Variants in OVCH1 observed in about 807,000 individuals in gnomAD.
OVCH1 encodes ovochymase 1, also known as ovochymase-1.
A neutral mutation model predicts 138.4 loss-of-function variants in OVCH1; 139 were observed. The ratio of observed to expected loss-of-function variants is 1.00; its 90% CI spans 0.87 to 1.16. The LOEUF (loss-of-function observed/expected upper bound fraction) is 1.16. Ranked by LOEUF, OVCH1 falls within the 50% of genes most tolerant of loss-of-function variation. The probability of loss-of-function intolerance (pLI) is 0.00; values close to 1 mark genes in which losing one functional copy is unlikely to be tolerated. For synonymous variants in OVCH1, 453 were observed against 467.8 expected (o/e 0.97, Z 0.41); for missense variants, 1,367 against 1,357.9 (o/e 1.01, Z -0.11).
chr12:29,466,240 G>T (rs542465922), intron 16 of OVCH1, among the ~76,000 whole-genome samples: 21 of 152,024 alleles, frequency 1.4e-4, no homozygotes, highest in African/African-American at 4.6e-4. Context: ...AGAACTTAAA[G>T]TATAATAAAA....
At chr12:29,405,985 G>A in the OVCH1 span, among the ~76,000 whole-genome samples, 3 of 152,282 alleles carry the variant, frequency 2.0e-5, no homozygotes, top group African/African-American at 7.2e-5. Flanking sequence ...CTTCACATGG[G>A]CTAGTTATTT....
chr12:29,493,034 T>A (rs1285157373), intron 4 of OVCH1, among the ~76,000 whole-genome samples: 1 of 152,152 alleles, frequency 6.6e-6, no homozygotes, highest in Non-Finnish European at 1.5e-5. Context: ...ACCAAATTTA[T>A]GGAACAGTGG....
At chr12:29,406,993 C>T in the OVCH1 span, among the ~76,000 whole-genome samples, 5 of 151,106 alleles carry the variant, frequency 3.3e-5, no homozygotes, top group Non-Finnish European at 7.4e-5. Context: ...TTAATGATTG[C>T]CATTCTAACT....
chr12:29,409,793 G>T (rs1181096569), downstream of OVCH1, among the ~76,000 whole-genome samples: 2 of 152,134 alleles, frequency 1.3e-5, no homozygotes, highest in African/African-American at 2.4e-5. Flanking sequence ...TGTTGATTTG[G>T]GGTGGAGAGT....
intron 24 of OVCH1, 29 bp downstream of exon 24, chr12:29,444,116 T>TTCCA (rs751129172): frequency 1.9e-6 from 3 of 1,567,098 alleles, no homozygotes; most frequent in Non-Finnish European, 2.6e-6. Flanking sequence ...CACACACTTC[T>TTCCA]TCCATTATAA....
At chr12:29,487,424 T>C (rs879612571) in intron 7 of OVCH1, 1 of 308,246 alleles carries the variant, frequency 3.2e-6, no homozygotes, top group Non-Finnish European at 5.9e-6. Context: ...AAGAATCCCC[T>C]GATGAGTCTA....
chr12:29,471,721 C>G, intron 16 of OVCH1, 81 bp downstream of exon 16: 1 of 1,398,540 alleles, frequency 7.2e-7, no homozygotes, highest in Non-Finnish European at 9.6e-7. Context: ...TCTGGATGAT[C>G]TTAGTAGTCA....
downstream of OVCH1, among the ~76,000 whole-genome samples, chr12:29,412,187 C>T (rs529411327): frequency 1.6e-4 from 25 of 152,202 alleles, 2 homozygotes; most frequent in South Asian, 5.0e-3. Flanking sequence ...AGGAGTGACC[C>T]GATTTTCCAG....
At chr12:29,407,321 T>C in the OVCH1 span, among the ~76,000 whole-genome samples, 1 of 131,704 alleles carries the variant, frequency 7.6e-6, no homozygotes, top group Non-Finnish European at 1.8e-5. Context: ...TTAGATCCCA[T>C]TCGTCAATTT....
intron 3 of OVCH1, 114 bp downstream of exon 3, chr12:29,496,066 TG>T: frequency 1.1e-6 from 1 of 908,464 alleles, no homozygotes; most frequent in Non-Finnish European, 1.7e-6. Flanking sequence ...GTGGGTACAC[TG>T]GGAGGCAAAA....
At chr12:29,471,955 G>A (rs1474405834) in exon 16 of OVCH1, 2 of 1,612,396 alleles carry the variant, frequency 1.2e-6, no homozygotes, top group Non-Finnish European at 1.7e-6. Flanking sequence ...AAGCCACTGG[G>A]GACTAAATGG....
intron 26 of OVCH1, among the ~76,000 whole-genome samples, chr12:29,434,545 C>T (rs1941324273): frequency 1.3e-5 from 2 of 151,722 alleles, no homozygotes; most frequent in Admixed American, 1.3e-4. Flanking sequence ...ACAAAAGAAG[C>T]ACAAGAAATT....
intron 22 of OVCH1, among the ~76,000 whole-genome samples, chr12:29,447,014 CAAAGG>C (rs1335166979): frequency 1.3e-5 from 2 of 151,296 alleles, no homozygotes; most frequent in African/African-American, 4.9e-5. Flanking sequence ...GAATAAATGA[CAAAGG>C]AAAGCATTAA....
chr12:29,442,965 TTAAAG>T (rs1369606901), intron 25 of OVCH1, among the ~76,000 whole-genome samples: 16 of 152,212 alleles, frequency 1.1e-4, no homozygotes, highest in Non-Finnish European at 2.1e-4. Flanking sequence ...TGAGTTTAAA[TTAAAG>T]TAACCAGGCT....
chr12:29,412,321 C>T (rs1940970832), downstream of OVCH1, among the ~76,000 whole-genome samples: 1 of 152,124 alleles, frequency 6.6e-6, no homozygotes, highest in South Asian at 2.1e-4. Flanking sequence ...CGGTGAGCTG[C>T]ACCCACTGAC....
At chr12:29,403,895 TG>T in the OVCH1 span, among the ~76,000 whole-genome samples, 1 of 152,176 alleles carries the variant, frequency 6.6e-6, no homozygotes, top group Non-Finnish European at 1.5e-5. Context: ...TTGTATATAA[TG>T]GTATTCAAAA....
the OVCH1 span, among the ~76,000 whole-genome samples, chr12:29,403,257 T>TA: frequency 2.0e-5 from 3 of 152,218 alleles, no homozygotes; most frequent in Non-Finnish European, 4.4e-5. Context: ...TTCAAACTTT[T>TA]ATAATTTAAT....
intron 3 of OVCH1, among the ~76,000 whole-genome samples, chr12:29,421,027 G>A (rs907913935): frequency 6.6e-6 from 1 of 152,212 alleles, no homozygotes; most frequent in Non-Finnish European, 1.5e-5. Flanking sequence ...TGCACCACAG[G>A]CACAGGCACA....
exon 15 of OVCH1, chr12:29,473,080 T>C (rs1386898724): frequency 6.2e-7 from 1 of 1,609,614 alleles, no homozygotes. Flanking sequence ...GGAGGTAACT[T>C]TGGTTCAAAT....
Sources: gnomAD v4.1 joint callset for allele counts (sites outside exome capture counted in the v4.1 genomes callset) on GRCh38, gnomAD v4.1.1 for gene constraint, MANE v1.5 for transcripts, NCBI Gene and HGNC (gene_info 2026-07-23, HGNC 2026-07-21) for gene names.